PROKR2: variants seen among roughly 807,000 people sequenced by gnomAD.
PROKR2 encodes G protein-coupled receptor 73-like 1.
A neutral mutation model predicts 23.4 loss-of-function variants in PROKR2; 26 were observed. That is an observed-to-expected ratio of 1.11 (90% CI 0.81 to 1.54). The LOEUF (loss-of-function observed/expected upper bound fraction) is 1.54, where lower values mean the gene tolerates loss of function less well. Among genes scored for constraint, PROKR2 ranks in the 40% most tolerant of loss-of-function variants. The pLI is 0.00. For synonymous variants in PROKR2, 212 were observed against 201.2 expected (o/e 1.05, Z -0.45); for missense variants, 453 against 511.5 (o/e 0.89, Z 1.10).
In PROKR2 at chr20:5,316,227, G is replaced by T. The variant is rs1008147712; in HGVS notation, c.-9+267C>A. 3 of 456,402 alleles carry T rather than the reference G, an allele frequency of 6.6e-6. No homozygotes were observed. Among genetic ancestry groups the T allele is most frequent in the African/African-American group, 6.0e-5 (3 of 50,032 alleles). The allele number at this position is 456,402 out of a possible 1,614,324, so 28.3% of individuals were successfully genotyped here. A position where few individuals can be genotyped will look rare whatever the true frequency, so the allele number is the denominator to read the frequency against. ...CCCCTGCAATTTGGAGCTCGTCCGC[G>T]AGCTCAGCTACCCGCTGGCTCCCTC... On this transcript the variant is annotated intron_variant, in intron 1 of 2. Coordinates refer to ENST00000678254, the MANE Select transcript of PROKR2 (RefSeq NM_144773.4). This position sits in a 1 kb window ranked among gnomAD's most constrained non-coding sequence, Gnocchi z 5.0.
chr20:5,314,121 C>A lies in PROKR2; in HGVS notation c.249G>T (p.Lys83Asn). The A allele has an allele frequency of 6.2e-7, 1 of 1,614,208 alleles. No individual in the cohort carries two copies. Among genetic ancestry groups the A allele is most frequent in the Non-Finnish European group, 8.5e-7 (1 of 1,180,040 alleles). The change falls in exon 2 of 3, where the codon AAG (lysine) becomes AAT (asparagine). Residue 83 changes from lysine (K) to asparagine (N), a missense_variant. By Grantham distance (94) the Lys-to-Asn change is moderately conservative. Coordinates refer to ENST00000678254, the MANE Select transcript of PROKR2 (RefSeq NM_144773.4). The stretch of plus-strand genomic sequence containing the variant: ...TGAGCAGATTGGTGAGGTTGCGCAA[C>A]TTCTTATAGCGGGTGAGGGCAGCGA... ...VFIAALTRYKKLRNLTNLLIA... is the reference protein window; with the variant it reads ...VFIAALTRYKNLRNLTNLLIA...
intron 2 of PROKR2, among the ~76,000 whole-genome samples, chr20:5,305,972 T>C (rs183025342): frequency 5.3e-5 from 8 of 152,204 alleles, no homozygotes; most frequent in African/African-American, 1.4e-4. Context: ...AGAATCAACA[T>C]ATGATGCATG....
chr20:5,308,580 G>C (rs543983657), intron 2 of PROKR2, among the ~76,000 whole-genome samples: 1 of 152,274 alleles, frequency 6.6e-6, no homozygotes, highest in East Asian at 1.9e-4. Flanking sequence ...GTAAATCTCT[G>C]TTCGGGGCTC....
intron 2 of PROKR2, among the ~76,000 whole-genome samples, chr20:5,305,862 C>T (rs1056223534): frequency 3.3e-5 from 5 of 152,142 alleles, no homozygotes; most frequent in African/African-American, 1.2e-4. Flanking sequence ...CAATGGACAA[C>T]CTGGGACTAT....
intron 2 of PROKR2, among the ~76,000 whole-genome samples, chr20:5,306,194 T>C (rs1979209927): frequency 6.6e-6 from 1 of 151,992 alleles, no homozygotes; most frequent in Non-Finnish European, 1.5e-5. Flanking sequence ...AAACTGGAGG[T>C]TTTAGAGAAA....
In PROKR2 at chr20:5,314,352, T is replaced by C; in HGVS notation, c.18A>G (p.Gly6=). ...TAAAGTTGGGTGTGAAACTGGTGTT[T>C]CCATTCTGGGCTGCCATGGTGATGT... MAAQN[G]NTSFTPNFNP... Residue 6 remains glycine, a synonymous_variant, in exon 2 of 3, where the codon GGA becomes GGG. Transcript: ENST00000678254. The C allele has an allele frequency of 6.2e-7, 1 of 1,614,054 alleles. No homozygotes were observed. The highest frequency in any genetic ancestry group is 8.5e-7 in the Non-Finnish European group (1 of 1,180,014).
chr20:5,301,995 C>T lies in PROKR2; in HGVS notation c.*45G>A. 1 of 1,545,402 alleles carries T rather than the reference C, an allele frequency of 6.5e-7. No individual in the cohort carries two copies. The highest frequency in any genetic ancestry group is 8.9e-7 in the Non-Finnish European group (1 of 1,122,232). ...TGAACTTGGTTGATGGTGGGTGATGCTCTGAGTACTGGACTGGGGTTTTCA... is the reference window on the plus strand; with the variant it reads ...TGAACTTGGTTGATGGTGGGTGATGTTCTGAGTACTGGACTGGGGTTTTCA... On this transcript the variant is annotated 3_prime_UTR_variant, in exon 3 of 3. Transcript: ENST00000678254.
rs187035396 is a variant in PROKR2 at position 5,300,950 on chromosome 20, G to T, written c.*1090C>A. On this transcript the variant is annotated 3_prime_UTR_variant, in exon 3 of 3. Coordinates refer to ENST00000678254, the MANE Select transcript of PROKR2 (RefSeq NM_144773.4). ...TAAAATGATAAGCTTTCAAGCATCA[G>T]TGGGAAAGTGATTTTTAGGTTCTTT... 7.0e-3 allele frequency among the ~76,000 whole-genome samples: 1,071 copies of T among 152,332 alleles called. 7 individuals carry two copies. Among genetic ancestry groups the T allele is most frequent in the Middle Eastern group, 0.02 (6 of 294 alleles).
At chr20:5,315,264 C>G (rs1003032246) in intron 1 of PROKR2, among the ~76,000 whole-genome samples, 2 of 150,836 alleles carry the variant, frequency 1.3e-5, no homozygotes, top group Non-Finnish European at 3.0e-5. Flanking sequence ...CCTTCCCACC[C>G]TACTCCAACT....
At chr20:5,304,618 G>A (rs1979148323) in intron 2 of PROKR2, among the ~76,000 whole-genome samples, 1 of 152,190 alleles carries the variant, frequency 6.6e-6, no homozygotes, top group Non-Finnish European at 1.5e-5. Flanking sequence ...GCAGGATGAT[G>A]CCATAGAACA....
rs1400166987 is a variant in PROKR2 at position 5,302,071 on chromosome 20, G to C, written c.1124C>G (p.Thr375Arg). 1 of 1,614,040 alleles carries C rather than the reference G, an allele frequency of 6.2e-7. No homozygotes were observed. Among genetic ancestry groups the C allele is most frequent in the Non-Finnish European group, 8.5e-7 (1 of 1,180,020 alleles). ...LDLRTNGVPT[T>R]EEVDCIRLK ...CAGCCTGATACAGTCCACCTCTTCT[G>C]TGGTGGGCACCCCGTTGGTTCTGAG... Residue 375 changes from threonine to arginine, a missense_variant, in exon 3 of 3, where the codon ACA becomes AGA. Transcript: ENST00000678254.
rs79972292 is a variant in PROKR2, at chr20:5,300,216, T to C, written c.*1824A>G. 2.8e-3 allele frequency among the ~76,000 whole-genome samples: 425 copies of C among 152,160 alleles called. 7 individuals carry two copies. The East Asian group carries it at 0.039, about 14-fold the overall frequency. ...TGTATAATACAAACAGATTCAGAAG[T>C]GATATTTATGCAGCACTAGGGTGCT... On this transcript the variant is annotated 3_prime_UTR_variant, in exon 3 of 3. Transcript: ENST00000678254.
At position 5,299,430 on chromosome 20, in the gene PROKR2, G is replaced by A. The variant is rs1029456110; in HGVS notation, c.*2610C>T. Among the ~76,000 whole-genome samples, 5 of 151,752 alleles carry A rather than the reference G, an allele frequency of 3.3e-5. No homozygotes were observed. The highest frequency in any genetic ancestry group is 6.6e-5 in the Admixed American group (1 of 15,254). ...CCATTCCTAAAGAATCTCCTGATTCGGCTAAGAGCCAGGATAGAATAATAA... is the reference window on the plus strand; with the variant it reads ...CCATTCCTAAAGAATCTCCTGATTCAGCTAAGAGCCAGGATAGAATAATAA... On this transcript the variant is annotated 3_prime_UTR_variant, in exon 3 of 3. Coordinates refer to ENST00000678254, the MANE Select transcript of PROKR2 (RefSeq NM_144773.4).
rs771897789 is a variant in PROKR2, at chr20:5,316,383, G to A, written c.-9+111C>T. 1.8e-5 allele frequency: 8 copies of A among 456,608 alleles called. No individual in the cohort carries two copies. Among genetic ancestry groups the A allele is most frequent in the South Asian group, 6.2e-5 (4 of 64,572 alleles). 28.3% of individuals were successfully genotyped at this position (456,608 alleles called of 1,614,324 possible). A position where few individuals can be genotyped will look rare whatever the true frequency, so the allele number is the denominator to read the frequency against. ...GACGCATATCTCGAGAGTGGCGGGA[G>A]GCAAAGCAGCCGGAATGCCCGAGAA... On this transcript the variant is annotated intron_variant, in intron 1 of 2. Transcript: ENST00000678254. The surrounding 1 kb of genome is among the most constrained non-coding windows in gnomAD (Gnocchi z 5.0).
intron 2 of PROKR2, among the ~76,000 whole-genome samples, chr20:5,310,335 GGC>G (rs1169428124): frequency 6.6e-6 from 1 of 152,010 alleles, no homozygotes; most frequent in Non-Finnish European, 1.5e-5. Flanking sequence ...ACCTGGCTGT[GGC>G]ACATGGAAAC....
At position 5,307,969 on chromosome 20, in the gene PROKR2, T is replaced by A. The variant is rs543252126; in HGVS notation, c.459-5233A>T. ...ACCTTAATGCCAGGAACTGGAGTGC[T>A]TAAAGGAGCTGCAGACAGGTTAGCA... On this transcript the variant is annotated intron_variant, in intron 2 of 2. Transcript: ENST00000678254. Among the ~76,000 whole-genome samples, 39 of 152,294 alleles carry A rather than the reference T, an allele frequency of 2.6e-4. No homozygotes were observed. The South Asian group carries it at 7.9e-3, about 31-fold the overall frequency.
At chr20:5,307,166 G>A (rs941933949) in intron 2 of PROKR2, among the ~76,000 whole-genome samples, 13 of 152,070 alleles carry the variant, frequency 8.5e-5, no homozygotes, top group South Asian at 6.2e-4. Context: ...AGCAACACCC[G>A]TTGAACACAG....
At chr20:5,310,469 TA>T (rs1979394793) in intron 2 of PROKR2, among the ~76,000 whole-genome samples, 1 of 152,238 alleles carries the variant, frequency 6.6e-6, no homozygotes. Context: ...TGCCCAGTGA[TA>T]AAAGCTCCCT....
chr20:5,311,190 T>G (rs1364964784), intron 2 of PROKR2, among the ~76,000 whole-genome samples: 5 of 152,146 alleles, frequency 3.3e-5, no homozygotes, highest in Non-Finnish European at 2.9e-5. Flanking sequence ...AGCATTATGA[T>G]GGCCCAGCTA....
Sources: allele counts gnomAD v4.1 joint callset (sites outside exome capture counted in the v4.1 genomes callset), GRCh38; gene constraint gnomAD v4.1.1; non-coding constraint Gnocchi (gnomAD v3.1); transcripts MANE v1.5; gene names NCBI Gene and HGNC (gene_info 2026-07-23, HGNC 2026-07-21).